KIZ: variants seen among roughly 807,000 people sequenced by gnomAD.
The protein encoded by KIZ is centrosomal protein kizuna.
KIZ carries 68 observed loss-of-function variants against 79.6 expected under a neutral mutation model. The observed-to-expected ratio is 0.85, with a 90% CI of 0.70 to 1.05. The LOEUF is 1.05. Among genes scored for constraint, KIZ ranks in the 50% least tolerant of loss-of-function variants. The pLI, the probability that KIZ is intolerant of heterozygous loss-of-function variation, is 0.00. For synonymous variants in KIZ, 280 were observed against 281.8 expected (o/e 0.99, Z 0.06); for missense variants, 797 against 800.4 (o/e 1.00, Z 0.05).
At chr20:21,192,242 C>A (rs1475990992) in intron 6 of KIZ, among the ~76,000 whole-genome samples, 1 of 151,724 alleles carries the variant, frequency 6.6e-6, no homozygotes, top group African/African-American at 2.4e-5. Context: ...TTAGGGACCA[C>A]CTCTCCAAAT....
chr20:21,171,369 C>T (rs182815354), intron 6 of KIZ, among the ~76,000 whole-genome samples: 96 of 152,286 alleles, frequency 6.3e-4, no homozygotes, highest in Non-Finnish European at 1.2e-3. Context: ...GATATTTTCG[C>T]CCAATCTATG....
intron 11 of KIZ, among the ~76,000 whole-genome samples, chr20:21,237,799 C>T (rs1452218253): frequency 6.6e-6 from 1 of 152,128 alleles, no homozygotes; most frequent in Non-Finnish European, 1.5e-5. Flanking sequence ...TTCCCAGTAC[C>T]CTCCCTCCCG....
chr20:21,171,804 A>G (rs967488262), intron 6 of KIZ, among the ~76,000 whole-genome samples: 11 of 152,296 alleles, frequency 7.2e-5, no homozygotes, highest in African/African-American at 7.2e-5. Context: ...TGTCTACCCT[A>G]TTAGCTGGAA....
intron 3 of KIZ, 59 bp downstream of exon 3, chr20:21,136,611 TTC>T: frequency 8.0e-7 from 1 of 1,248,026 alleles, no homozygotes; most frequent in Non-Finnish European, 1.1e-6. Flanking sequence ...TTTTTTTTTT[TTC>T]TTCAAGATGA....
chr20:21,242,089 C>T (rs1297328079), intron 11 of KIZ, among the ~76,000 whole-genome samples: 6 of 152,210 alleles, frequency 3.9e-5, no homozygotes, highest in African/African-American at 1.4e-4. Flanking sequence ...TGTGCACCGC[C>T]TTACCCAGGT....
chr20:21,210,015 C>A (rs2076817135), intron 7 of KIZ, among the ~76,000 whole-genome samples: 1 of 151,960 alleles, frequency 6.6e-6, no homozygotes, highest in African/African-American at 2.4e-5. Flanking sequence ...TTATATATAA[C>A]CCTGTTAACA....
intron 11 of KIZ, among the ~76,000 whole-genome samples, chr20:21,234,362 ACCAC>A (rs1006169754): frequency 6.7e-6 from 1 of 149,794 alleles, no homozygotes; most frequent in African/African-American, 2.5e-5. Flanking sequence ...AAAAAAAAAA[ACCAC>A]ACAAAAAGGC....
chr20:21,218,687 T>C (rs1568988359), intron 9 of KIZ: 1 of 152,260 alleles, frequency 6.6e-6, no homozygotes. Context: ...GAACATACTT[T>C]GTGAAACATA....
At chr20:21,217,884 C>T (rs1193692202) in intron 9 of KIZ, among the ~76,000 whole-genome samples, 1 of 152,098 alleles carries the variant, frequency 6.6e-6, no homozygotes, top group Non-Finnish European at 1.5e-5. Flanking sequence ...CAAAGAAGAA[C>T]ATAAGTAGAG....
At position 21,246,620 on chromosome 20, in the gene KIZ, A is replaced by G. The variant is rs1330876385; in HGVS notation, c.*44A>G. 3 of 1,137,066 alleles carry G rather than the reference A, an allele frequency of 2.6e-6. No individual in the cohort carries two copies. The highest frequency in any genetic ancestry group is 1.5e-5 in the African/African-American group (1 of 64,698). 70.4% of individuals were successfully genotyped at this position (1,137,066 alleles called of 1,614,324 possible). On this transcript the variant is annotated 3_prime_UTR_variant, in exon 13 of 13. Coordinates refer to ENST00000619189, the MANE Select transcript of KIZ (RefSeq NM_018474.6). ...TCAAATAAAGTCTTTAAACAAACTA[A>G]AATCCTGTGTTAATATGTGATGTCC...
At chr20:21,217,820 C>T (rs2036355083) in intron 9 of KIZ, among the ~76,000 whole-genome samples, 1 of 152,052 alleles carries the variant, frequency 6.6e-6, no homozygotes, top group South Asian at 2.1e-4. Context: ...TGTGTGGGCC[C>T]CCACAGTCCC....
chr20:21,244,353 C>T (rs1394447379), intron 12 of KIZ, 65 bp downstream of exon 12: 2 of 1,181,786 alleles, frequency 1.7e-6, no homozygotes, highest in Non-Finnish European at 2.5e-6. Flanking sequence ...CTGTGACATG[C>T]ATTTGTTGTT....
At chr20:21,143,515 T>C (rs1267860633) in intron 3 of KIZ, among the ~76,000 whole-genome samples, 1 of 152,200 alleles carries the variant, frequency 6.6e-6, no homozygotes, top group Non-Finnish European at 1.5e-5. Context: ...ATCAATCTGT[T>C]AATCGTTGTT....
At chr20:21,199,084 C>T (rs77495738) in intron 6 of KIZ, among the ~76,000 whole-genome samples, 2,304 of 152,216 alleles carry the variant, frequency 0.015, 63 homozygotes, top group African/African-American at 0.051. Flanking sequence ...TAATTCTCTG[C>T]GCAAACTGAG....
Position 21,244,219 on chromosome 20 carries a change from A to G in KIZ, c.1881-26A>G, listed in dbSNP as rs143482917. The G allele has an allele frequency of 9.7e-4, 1,504 of 1,543,710 alleles. 3 individuals carry two copies. Among genetic ancestry groups the G allele is most frequent in the Non-Finnish European group, 1.3e-3 (1,452 of 1,117,308 alleles). ...GTCTCATTGTCTTTTCTTTTTCAGA[A>G]CTTAGACTGTTTCTTTATTTTGCAG... is the stretch of plus-strand genomic sequence containing the variant. On this transcript the variant is annotated intron_variant, in intron 11 of 12. Transcript: ENST00000619189.
chr20:21,142,609 G>A (rs1388170777), intron 3 of KIZ, among the ~76,000 whole-genome samples: 1 of 151,990 alleles, frequency 6.6e-6, no homozygotes, highest in Non-Finnish European at 1.5e-5. Flanking sequence ...TGGACAACAT[G>A]ATGAGAACCT....
At chr20:21,174,826 A>C (rs896012007) in intron 6 of KIZ, among the ~76,000 whole-genome samples, 1 of 152,232 alleles carries the variant, frequency 6.6e-6, no homozygotes, top group Non-Finnish European at 1.5e-5. Context: ...TAAGTGTAGG[A>C]AATAAGTTAT....
At chr20:21,154,320 G>A (rs1347026488) in intron 4 of KIZ, 1 of 152,086 alleles carries the variant, frequency 6.6e-6, no homozygotes, top group African/African-American at 2.4e-5. Flanking sequence ...AGTTCATAAT[G>A]ATTAAGACAT....
intron 6 of KIZ, chr20:21,166,673 G>T: frequency 2.9e-6 from 2 of 681,632 alleles, no homozygotes; most frequent in Non-Finnish European, 5.0e-6. Flanking sequence ...GGTCAGGCTG[G>T]TCTTGTACTC....
Sources: gnomAD v4.1 joint callset for allele counts (sites outside exome capture counted in the v4.1 genomes callset) on GRCh38, gnomAD v4.1.1 for gene constraint, MANE v1.5 for transcripts, NCBI Gene and HGNC (gene_info 2026-07-23, HGNC 2026-07-21) for gene names.